FLI1: variants seen among roughly 807,000 people sequenced by gnomAD.
FLI1 encodes the protein Friend leukemia integration 1 transcription factor.
A neutral mutation model predicts 53.1 loss-of-function variants in FLI1; 13 were observed. The ratio of observed to expected loss-of-function variants is 0.24; its 90% CI spans 0.16 to 0.39. FLI1 has a LOEUF of 0.39. Among genes scored for constraint, FLI1 ranks in the 10% least tolerant of loss-of-function variants. FLI1 has a pLI of 1.00. For missense variants in FLI1, 424 were observed against 600.5 expected (o/e 0.71, Z 3.07); for synonymous variants, 244 against 236.7 (o/e 1.03, Z -0.28).
At chr11:128,738,844 G>A (rs1218500544) in intron 1 of FLI1, among the ~76,000 whole-genome samples, 1 of 152,290 alleles carries the variant, frequency 6.6e-6, no homozygotes, top group South Asian at 2.1e-4. Flanking sequence ...CCCAAGCAAA[G>A]CAAAGACCCA....
In FLI1 at chr11:128,768,327, G is replaced by C. The variant is rs769459223; in HGVS notation, c.385+55G>C. On this transcript the variant is annotated intron_variant, in intron 3 of 8. Coordinates refer to ENST00000527786, the MANE Select transcript of FLI1 (RefSeq NM_002017.5). The stretch of plus-strand genomic sequence containing the variant: ...CATTCACTTCCCCACTCTCTGGGGG[G>C]GCAGGGAGCATCTAAACCTTTATCT... 7.5e-6 allele frequency: 12 copies of C among 1,590,300 alleles called. No homozygotes were observed. In the East Asian group the frequency reaches 2.0e-4, roughly 27 times the overall value.
At chr11:128,729,281 G>A (rs1219702410) in intron 1 of FLI1, among the ~76,000 whole-genome samples, 1 of 152,230 alleles carries the variant, frequency 6.6e-6, no homozygotes, top group Non-Finnish European at 1.5e-5. Context: ...CGCATTTCAA[G>A]TGCCCTGATT....
intron 5 of FLI1, among the ~76,000 whole-genome samples, chr11:128,788,372 A>G (rs777904714): frequency 1.1e-4 from 16 of 151,984 alleles, no homozygotes; most frequent in Non-Finnish European, 1.6e-4. Context: ...GGGAGGCTGA[A>G]GCAGGAGAAT....
At chr11:128,729,118 T>A (rs1939596239) in intron 1 of FLI1, among the ~76,000 whole-genome samples, 1 of 152,192 alleles carries the variant, frequency 6.6e-6, no homozygotes, top group Non-Finnish European at 1.5e-5. Context: ...GCACCTCTGC[T>A]TTGTAATCGG....
chr11:128,692,313 G>A (rs1207056597), upstream of FLI1, among the ~76,000 whole-genome samples: 1 of 152,090 alleles, frequency 6.6e-6, no homozygotes, highest in Non-Finnish European at 1.5e-5. Flanking sequence ...CCCAGGCAAA[G>A]GGGGGGACTG....
chr11:128,745,030 A>G (rs1428691979), intron 1 of FLI1, among the ~76,000 whole-genome samples: 1 of 152,180 alleles, frequency 6.6e-6, no homozygotes, highest in East Asian at 1.9e-4. Flanking sequence ...ATGAGATATG[A>G]TTAGGCAGAG....
At chr11:128,771,759 A>G (rs1172902828) in intron 3 of FLI1, among the ~76,000 whole-genome samples, 1 of 151,868 alleles carries the variant, frequency 6.6e-6, no homozygotes, top group Non-Finnish European at 1.5e-5. Context: ...ATTCCCTTCC[A>G]CTTATGAGTC....
chr11:128,807,094 G>T, intron 6 of FLI1, 86 bp from the exon 7 acceptor site: 1 of 681,924 alleles, frequency 1.5e-6, no homozygotes, highest in South Asian at 2.5e-5. Context: ...GCGAAGGAAT[G>T]AGTGAGAAAG....
At chr11:128,768,995 G>T (rs1464474362) in intron 3 of FLI1, among the ~76,000 whole-genome samples, 1 of 152,216 alleles carries the variant, frequency 6.6e-6, no homozygotes, top group East Asian at 1.9e-4. Context: ...CATCTACCAG[G>T]TTCCACCTTT....
intron 1 of FLI1, among the ~76,000 whole-genome samples, chr11:128,742,459 A>G (rs1346444348): frequency 1.3e-5 from 2 of 152,234 alleles, no homozygotes; most frequent in African/African-American, 2.4e-5. Flanking sequence ...TGACCTTTGC[A>G]TGTTTCGAGG....
chr11:128,768,391 C>A lies in FLI1; in HGVS notation c.385+119C>A, dbSNP rs777482037. ...CTGTGGAATTGCAAAATGGAGAAAGCTGCACGCCAGCCGGGAGTGGTGGCT... is the reference window on the plus strand; with the variant it reads ...CTGTGGAATTGCAAAATGGAGAAAGATGCACGCCAGCCGGGAGTGGTGGCT... On this transcript the variant is annotated intron_variant, in intron 3 of 8. Transcript: ENST00000527786. 32 of 1,290,152 alleles carry A rather than the reference C, an allele frequency of 2.5e-5. No homozygotes were observed. The Middle Eastern group carries it at 5.5e-4, about 22-fold the overall frequency. The allele number at this position is 1,290,152 out of a possible 1,614,324, so 79.9% of individuals were successfully genotyped here. A position where few individuals can be genotyped will look rare whatever the true frequency, so the allele number is the denominator to read the frequency against.
intron 5 of FLI1, chr11:128,804,499 G>T (rs1466669377): frequency 6.6e-6 from 1 of 152,196 alleles, no homozygotes; most frequent in East Asian, 1.9e-4. Context: ...AATCTTTCAA[G>T]AAAGGGGTTA....
chr11:128,808,886 T>C (rs1942860410), intron 7 of FLI1, among the ~76,000 whole-genome samples: 1 of 152,224 alleles, frequency 6.6e-6, no homozygotes, highest in Non-Finnish European at 1.5e-5. Flanking sequence ...TTGCTTTGGG[T>C]AATGACAACA....
At chr11:128,719,298 C>A (rs1215433759) in intron 1 of FLI1, among the ~76,000 whole-genome samples, 1 of 147,786 alleles carries the variant, frequency 6.8e-6, no homozygotes, top group African/African-American at 2.5e-5. Flanking sequence ...AAAAACAGTT[C>A]GTAATGTTGT....
intron 1 of FLI1, among the ~76,000 whole-genome samples, chr11:128,724,366 G>C (rs1417383796): frequency 6.6e-6 from 1 of 152,154 alleles, no homozygotes; most frequent in Admixed American, 6.5e-5. Flanking sequence ...ACGGATATGG[G>C]GCAGCAGGTG....
upstream of FLI1, chr11:128,686,359 G>T (rs1354275819): frequency 2.2e-6 from 1 of 456,190 alleles, no homozygotes; most frequent in Non-Finnish European, 4.4e-6. Flanking sequence ...ATTTCGGGCA[G>T]GGGAGAGTAA....
chr11:128,692,643 T>C (rs1366739696), upstream of FLI1: 1 of 152,084 alleles, frequency 6.6e-6, no homozygotes, highest in Non-Finnish European at 1.5e-5. Context: ...AAATAAAGAA[T>C]TAATAAGTCA....
At chr11:128,695,736 T>A (rs1020407147) in intron 1 of FLI1, among the ~76,000 whole-genome samples, 5 of 152,054 alleles carry the variant, frequency 3.3e-5, no homozygotes, top group Non-Finnish European at 7.4e-5. Flanking sequence ...AGGTGAGAAG[T>A]AGGTGAGAGG....
chr11:128,806,152 G>T (rs1279517845), intron 6 of FLI1: 4 of 152,100 alleles, frequency 2.6e-5, no homozygotes, highest in Non-Finnish European at 5.9e-5. Flanking sequence ...ACAAATTAAT[G>T]CCCAAACAAT....
Sources: allele counts gnomAD v4.1 joint callset (sites outside exome capture counted in the v4.1 genomes callset), GRCh38; gene constraint gnomAD v4.1.1; transcripts MANE v1.5; gene names NCBI Gene and HGNC (gene_info 2026-07-23, HGNC 2026-07-21).